Variants in NSL1 observed in about 807,000 individuals in gnomAD.
NSL1 encodes NSL1 component of MIS12 kinetochore complex, also known as kinetochore-associated protein NSL1 homolog.
NSL1 carries 11 observed loss-of-function variants against 25.4 expected under a neutral mutation model. The observed-to-expected ratio is 0.43, with a 90% confidence interval of 0.27 to 0.72. The LOEUF (loss-of-function observed/expected upper bound fraction) is 0.72. Ranked by LOEUF, NSL1 falls within the 30% of genes least tolerant of loss-of-function variation. NSL1 has a pLI of 0.19. For missense variants in NSL1, 330 were observed against 342.7 expected, an observed-to-expected ratio of 0.96 and a Z score of 0.29; for synonymous variants, 118 against 120.6, an observed-to-expected ratio of 0.98 and a Z score of 0.14.
intron 4 of NSL1, among the ~76,000 whole-genome samples, chr1:212,772,666 G>C (rs1660177792): frequency 6.7e-6 from 1 of 149,282 alleles, no homozygotes; most frequent in Non-Finnish European, 1.5e-5. Flanking sequence ...GACAGAGTGA[G>C]ACATTGTCTC....
At position 212,738,552 on chromosome 1, in the gene NSL1, G is replaced by C; in HGVS notation, c.702C>G (p.Asn234Lys). Residue 234 changes from asparagine to lysine, a missense_variant, in exon 6 of 6, where the codon AAC (asparagine) becomes AAG (lysine). Coordinates refer to ENST00000366977, the MANE Select transcript of NSL1 (RefSeq NM_015471.4). ...GTGTGGTTTCTATCTGTGTTATAAA[G>C]TTCTCAGGTTTAGCATCTGGTTTCC... ...CHRKPDAKPE[N>K]FITQIETTPT... 1 of 1,614,124 alleles carries C rather than the reference G, an allele frequency of 6.2e-7. No individual in the cohort carries two copies. Among genetic ancestry groups the C allele is most frequent in the South Asian group, 1.1e-5 (1 of 91,088 alleles).
intron 4 of NSL1, among the ~76,000 whole-genome samples, chr1:212,771,611 C>CA (rs57899487): frequency 0.042 from 2,666 of 63,642 alleles, 90 homozygotes; most frequent in African/African-American, 0.072. Flanking sequence ...AAGACTCCAC[C>CA]AAAAAAAAAA....
intron 4 of NSL1, among the ~76,000 whole-genome samples, chr1:212,745,160 C>CTATATATATATA (rs59293969): frequency 4.2e-5 from 5 of 117,676 alleles, no homozygotes; most frequent in African/African-American, 1.2e-4. Context: ...AACAAACAAA[C>CTATATATATATA]TATATATATA....
At chr1:212,775,335 C>T (rs1660312219) in intron 4 of NSL1, among the ~76,000 whole-genome samples, 1 of 152,070 alleles carries the variant, frequency 6.6e-6, no homozygotes, top group South Asian at 2.1e-4. Flanking sequence ...CATGATGTTG[C>T]ATAACTCTGT....
rs1657833734 is a variant in NSL1, at chr1:212,727,417, C to T, written c.*10991G>A. 1 of 985,322 alleles carries T rather than the reference C, an allele frequency of 1.0e-6. No homozygotes were observed. Among genetic ancestry groups the T allele is most frequent in the Non-Finnish European group, 1.2e-6 (1 of 829,872 alleles). 61.0% of individuals were successfully genotyped at this position (985,322 alleles called of 1,614,324 possible). ...GTCAAGTTAATGTTTCCAAAATATA[C>T]TCCTTGTAACAGACATTACCTAAAT... On this transcript the variant is annotated 3_prime_UTR_variant, in exon 6 of 6. Transcript: ENST00000366977.
intron 1 of NSL1, among the ~76,000 whole-genome samples, chr1:212,789,297 C>T (rs571086799): frequency 1.8e-4 from 28 of 152,208 alleles, no homozygotes; most frequent in African/African-American, 6.7e-4. Flanking sequence ...CTGCAACCTC[C>T]GCTTCCCAGG....
intron 4 of NSL1, among the ~76,000 whole-genome samples, chr1:212,746,401 C>A (rs1220335266): frequency 1.3e-5 from 2 of 151,926 alleles, no homozygotes; most frequent in Non-Finnish European, 2.9e-5. Flanking sequence ...CTAAAAAAAA[C>A]CCCTAAGAAC....
rs189782968 is a variant in NSL1, at chr1:212,731,059, T to C, written c.*7349A>G. 152 of 985,282 alleles carry C rather than the reference T, an allele frequency of 1.5e-4. No homozygotes were observed. In the African/African-American group the frequency reaches 2.5e-3, roughly 17 times the overall value. The allele number at this position is 985,282 out of a possible 1,614,324, so 61.0% of individuals were successfully genotyped here. A position where few individuals can be genotyped will look rare whatever the true frequency, so the allele number is the denominator to read the frequency against. On this transcript the variant is annotated 3_prime_UTR_variant, in exon 6 of 6. Coordinates refer to ENST00000366977, the MANE Select transcript of NSL1 (RefSeq NM_015471.4). ...CCTGAAGCTTCAAATGAATATAACATTAATTTTCTCAAATCCTTTCATATA... is the reference window on the plus strand; with the variant it reads ...CCTGAAGCTTCAAATGAATATAACACTAATTTTCTCAAATCCTTTCATATA...
chr1:212,775,888 C>T (rs1344439246), intron 4 of NSL1, among the ~76,000 whole-genome samples: 2 of 151,648 alleles, frequency 1.3e-5, no homozygotes, highest in East Asian at 1.9e-4. Flanking sequence ...AGTGCAGTGG[C>T]GCGATCTCGG....
chr1:212,776,750 A>C (rs985849390), intron 4 of NSL1, among the ~76,000 whole-genome samples: 7 of 151,938 alleles, frequency 4.6e-5, no homozygotes, highest in Admixed American at 2.6e-4. Flanking sequence ...AAAAAAACCA[A>C]CAACAACAAA....
At chr1:212,739,259 T>C (rs1283672504) in intron 5 of NSL1, among the ~76,000 whole-genome samples, 1 of 152,178 alleles carries the variant, frequency 6.6e-6, no homozygotes, top group African/African-American at 2.4e-5. Flanking sequence ...GCTGGTATTA[T>C]TATCCAAAAC....
Position 212,736,275 on chromosome 1 carries a change from C to T in NSL1, c.*2133G>A. 1.2e-5 allele frequency: 10 copies of T among 866,736 alleles called. No homozygotes were observed. The highest frequency in any genetic ancestry group is 1.4e-5 in the Non-Finnish European group (10 of 721,926). The allele number at this position is 866,736 out of a possible 1,614,324, so 53.7% of individuals were successfully genotyped here. ...CTGGGCTCAAGTAATCTGTCCACTT[C>T]AGCCTCCCAAAGTGCTGGGATTACA... On this transcript the variant is annotated 3_prime_UTR_variant, in exon 6 of 6. Transcript: ENST00000366977.
At chr1:212,740,151 T>A (rs1296960188) in intron 4 of NSL1, among the ~76,000 whole-genome samples, 1 of 152,102 alleles carries the variant, frequency 6.6e-6, no homozygotes, top group Non-Finnish European at 1.5e-5. Flanking sequence ...TAAACAAAAC[T>A]GAAAATGAGA....
In NSL1 at chr1:212,729,863, G is replaced by A. The variant is rs1657939638; in HGVS notation, c.*8545C>T. 3 of 985,224 alleles carry A rather than the reference G, an allele frequency of 3.0e-6. No individual in the cohort carries two copies. In the South Asian group the frequency reaches 1.4e-4, roughly 46 times the overall value. 61.0% of individuals were successfully genotyped at this position (985,224 alleles called of 1,614,324 possible). A position where few individuals can be genotyped will look rare whatever the true frequency, so the allele number is the denominator to read the frequency against. ...GCAGTGATGTGTGGACGAAGGGGTT[G>A]CTGGGGTGACCCAGGCAGCAAGGAC... On this transcript the variant is annotated 3_prime_UTR_variant, in exon 6 of 6. Coordinates refer to ENST00000366977, the MANE Select transcript of NSL1 (RefSeq NM_015471.4).
chr1:212,747,108 C>A (rs1477735550), intron 4 of NSL1, among the ~76,000 whole-genome samples: 5 of 149,426 alleles, frequency 3.3e-5, no homozygotes. Flanking sequence ...TCGCACTGCA[C>A]TCCAGCCTGG....
At chr1:212,779,159 C>G (rs1460571540) in intron 4 of NSL1, among the ~76,000 whole-genome samples, 1 of 149,990 alleles carries the variant, frequency 6.7e-6, no homozygotes, top group African/African-American at 2.5e-5. Flanking sequence ...GGAGCCCCTC[C>G]GCCCGGCAAC....
chr1:212,787,467 C>A, intron 2 of NSL1, 92 bp downstream of exon 2: 1 of 795,906 alleles, frequency 1.3e-6, no homozygotes, highest in Non-Finnish European at 2.0e-6. Context: ...AAATAAATGA[C>A]ACTAAATATG....
At position 212,736,267 on chromosome 1, in the gene NSL1, G is replaced by A. The variant is rs767299813; in HGVS notation, c.*2141C>T. 3.6e-6 allele frequency: 3 copies of A among 830,350 alleles called. No individual in the cohort carries two copies. Among genetic ancestry groups the A allele is most frequent in the Non-Finnish European group, 4.4e-6 (3 of 688,762 alleles). 51.4% of individuals were successfully genotyped at this position (830,350 alleles called of 1,614,324 possible). A position where few individuals can be genotyped will look rare whatever the true frequency, so the allele number is the denominator to read the frequency against. ...TGCCCAGGCTGGGCTCAAGTAATCT[G>A]TCCACTTCAGCCTCCCAAAGTGCTG... On this transcript the variant is annotated 3_prime_UTR_variant, in exon 6 of 6. Transcript: ENST00000366977.
Position 212,726,658 on chromosome 1 carries a change from G to T in NSL1, c.*11750C>A. On this transcript the variant is annotated 3_prime_UTR_variant, in exon 6 of 6. Transcript: ENST00000366977. Reference sequence around the variant, plus strand: ...CCCACCGACCACCTGGCTCATCTCAGCTCCCAGCGGCACTGTGTTACCCCT... The same window carrying T: ...CCCACCGACCACCTGGCTCATCTCATCTCCCAGCGGCACTGTGTTACCCCT... The T allele has an allele frequency of 6.5e-6, 1 of 153,750 alleles. No individual in the cohort carries two copies. Among genetic ancestry groups the T allele is most frequent in the Non-Finnish European group, 1.4e-5 (1 of 69,108 alleles). The allele number at this position is 153,750 out of a possible 1,614,324, so 9.5% of individuals were successfully genotyped here. A position where few individuals can be genotyped will look rare whatever the true frequency, so the allele number is the denominator to read the frequency against.
Sources: allele counts gnomAD v4.1 joint callset (sites outside exome capture counted in the v4.1 genomes callset), GRCh38; gene constraint gnomAD v4.1.1; transcripts MANE v1.5; gene names NCBI Gene and HGNC (gene_info 2026-07-23, HGNC 2026-07-21).